Variants in STRIP1 observed in about 807,000 individuals in gnomAD.
STRIP1 encodes the protein striatin-interacting protein 1.
In STRIP1, 63 loss-of-function variants were observed where a neutral mutation model predicts 106.2. The observed-to-expected ratio is 0.59, with a 90% confidence interval of 0.48 to 0.73. The LOEUF (loss-of-function observed/expected upper bound fraction) is 0.73. Ranked by LOEUF, STRIP1 falls within the 30% of genes least tolerant of loss-of-function variation. The probability of loss-of-function intolerance (pLI) is 0.00; values close to 1 mark genes in which losing one functional copy is unlikely to be tolerated. For missense variants in STRIP1, 857 were observed against 1,074.8 expected (o/e 0.80, Z 2.83); for synonymous variants, 390 against 413.0 (o/e 0.94, Z 0.67).
At position 110,036,754 on chromosome 1, in the gene STRIP1, C is replaced by G. The variant is rs185241207; in HGVS notation, c.181-1137C>G. 2.8e-3 allele frequency among the ~76,000 whole-genome samples: 433 copies of G among 152,272 alleles called. 1 individual carries two copies. Among genetic ancestry groups the G allele is most frequent in the Non-Finnish European group, 3.8e-3 (258 of 68,018 alleles). ...GAATGAAGAAACCGAAGCTCAGTAA[C>G]TTGTGAAAGTGTACACTGTGTTATC... On this transcript the variant is annotated intron_variant, in intron 1 of 20. Coordinates refer to ENST00000369795, the MANE Select transcript of STRIP1 (RefSeq NM_033088.4).
intron 15 of STRIP1, among the ~76,000 whole-genome samples, chr1:110,048,670 C>T (rs1653147648): frequency 6.6e-6 from 1 of 152,232 alleles, no homozygotes; most frequent in Non-Finnish European, 1.5e-5. Flanking sequence ...CAAAGATGTA[C>T]AATGAGAAGT....
At chr1:110,034,617 TG>T, upstream of STRIP1, 1 of 1,500,298 alleles carries the variant, frequency 6.7e-7, no homozygotes, top group South Asian at 1.3e-5. Context: ...CGAGTTAAGC[TG>T]GGGGTGTGGA....
chr1:110,047,436 T>C, intron 13 of STRIP1, 106 bp from the exon 14 acceptor site: 1 of 804,868 alleles, frequency 1.2e-6, no homozygotes, highest in Non-Finnish European at 2.1e-6. Flanking sequence ...ATTAACATCA[T>C]TATGTACATC....
At chr1:110,046,957 G>A (rs1965990) in intron 13 of STRIP1, among the ~76,000 whole-genome samples, 46,046 of 151,914 alleles carry the variant, frequency 0.3, 8,408 homozygotes, top group Non-Finnish European at 0.42. Flanking sequence ...GGCTGAGGCA[G>A]AAGAATGACG....
Position 110,039,534 on chromosome 1 carries a change from C to A in STRIP1, c.581+19C>A. The stretch of plus-strand genomic sequence containing the variant: ...AAATAGAGTGAGCATTTTTGAGAGG[C>A]TGAGTAGGGAAGGGGAGGCTGGGAT... On this transcript the variant is annotated intron_variant, in intron 5 of 20. Transcript: ENST00000369795. 6.3e-7 allele frequency: 1 copy of A among 1,587,302 alleles called. No individual in the cohort carries two copies. Among genetic ancestry groups the A allele is most frequent in the Non-Finnish European group, 8.6e-7 (1 of 1,166,582 alleles).
rs979514645 is a variant in STRIP1, at chr1:110,039,079, C to T, written c.326-93C>T. 9 of 1,446,650 alleles carry T rather than the reference C, an allele frequency of 6.2e-6. No homozygotes were observed. The Admixed American group carries it at 1.4e-4, about 23-fold the overall frequency. The allele number at this position is 1,446,650 out of a possible 1,614,324, so 89.6% of individuals were successfully genotyped here. A position where few individuals can be genotyped will look rare whatever the true frequency, so the allele number is the denominator to read the frequency against. On this transcript the variant is annotated intron_variant, in intron 3 of 20. Transcript: ENST00000369795. ...TAGGGTGTAACTTATCTTTCTGGTC[C>T]TATGGCAGTCCTGAATTTGGTGAGT...
intron 3 of STRIP1, 141 bp downstream of exon 3, chr1:110,038,898 C>T: frequency 1.3e-6 from 1 of 790,890 alleles, no homozygotes; most frequent in Non-Finnish European, 2.0e-6. Context: ...AAGCCAGATA[C>T]ATGTAGAGTG....
rs569941569 is a variant in STRIP1, at chr1:110,039,045, C to A, written c.326-127C>A. On this transcript the variant is annotated intron_variant, in intron 3 of 20. Transcript: ENST00000369795. ...TTCATAGAGCAGCAGTATGATCTTA[C>A]CACTTACATAGGGTGTAACTTATCT... The A allele has an allele frequency of 1.6e-5, 17 of 1,072,386 alleles. No homozygotes were observed. The African/African-American group carries it at 1.7e-4, about 11-fold the overall frequency. 66.4% of individuals were successfully genotyped at this position (1,072,386 alleles called of 1,614,324 possible).
At position 110,040,644 on chromosome 1, in the gene STRIP1, C is replaced by T. The variant is rs772137513; in HGVS notation, c.591C>T (p.Ala197=). The T allele has an allele frequency of 6.8e-6, 11 of 1,611,636 alleles. No individual in the cohort carries two copies. The highest frequency in any genetic ancestry group is 1.6e-4 in the Middle Eastern group (1 of 6,072). Residue 197 remains alanine (A), a synonymous_variant, in exon 6 of 21, where the codon GCC becomes GCT. Coordinates refer to ENST00000369795, the MANE Select transcript of STRIP1 (RefSeq NM_033088.4). ...TCAAAATCTCCTGCAGCAACAGTGC[C>T]GCCTGCAGCAGTGCTGTGAGGAAGC... ...ELLNMEIDNS[A]ACSSAVRKPA... is the part of the protein sequence containing the mutation.
chr1:110,043,048 A>G, intron 8 of STRIP1, 40 bp from the exon 9 acceptor site: 1 of 1,567,806 alleles, frequency 6.4e-7, no homozygotes, highest in South Asian at 1.2e-5. Flanking sequence ...CAGCCTGTGG[A>G]CACATTGACC....
rs926340272 is a variant in STRIP1 at position 110,034,831 on chromosome 1, G to C, written c.180+14G>C. On this transcript the variant is annotated intron_variant, in intron 1 of 20. Coordinates refer to ENST00000369795, the MANE Select transcript of STRIP1 (RefSeq NM_033088.4). ...AAAGACTCAGAGGTCAGGAGCTTCG[G>C]GGGGCGAGGCTCGCACCGGGTCGGG... The C allele has an allele frequency of 1.9e-5, 26 of 1,378,006 alleles. No individual in the cohort carries two copies. Among genetic ancestry groups the C allele is most frequent in the Admixed American group, 7.9e-5 (2 of 25,358 alleles). 85.4% of individuals were successfully genotyped at this position (1,378,006 alleles called of 1,614,324 possible). A position where few individuals can be genotyped will look rare whatever the true frequency, so the allele number is the denominator to read the frequency against.
At chr1:110,039,890 C>T (rs1404246318) in intron 5 of STRIP1, 2 of 1,295,086 alleles carry the variant, frequency 1.5e-6, no homozygotes, top group South Asian at 1.2e-5. Context: ...GACATATGGG[C>T]TCAACCAGTG....
chr1:110,053,428 T>C (rs1460186166), intron 20 of STRIP1, among the ~76,000 whole-genome samples: 2 of 152,180 alleles, frequency 1.3e-5, no homozygotes, highest in African/African-American at 4.8e-5. Context: ...TACACATGGT[T>C]CTCCCTCTCT....
At position 110,049,156 on chromosome 1, in the gene STRIP1, G is replaced by T. The variant is rs1653170123; in HGVS notation, c.1706G>T (p.Arg569Leu). The T allele has an allele frequency of 6.2e-7, 1 of 1,614,094 alleles. No homozygotes were observed. The highest frequency in any genetic ancestry group is 8.5e-7 in the Non-Finnish European group (1 of 1,179,992). Residue 569 changes from arginine to leucine, a missense_variant, in exon 16 of 21, where the codon CGC becomes CTC. Physicochemically the swap from Arg to Leu is moderately radical, Grantham distance 102. Transcript: ENST00000369795. ...QSMKLGVDVN[R>L]HKEVIVKAIS... ...ATGAAGCTGGGGGTGGATGTAAACC[G>T]CCACAAAGAGGTCATTGTTAAGGCC...
rs778371354 is a variant in STRIP1, at chr1:110,039,513, A to C, written c.579A>C (p.Ile193=). 4 of 1,599,736 alleles carry C rather than the reference A, an allele frequency of 2.5e-6. 1 individual carries two copies. The South Asian group carries it at 4.5e-5, about 18-fold the overall frequency. ...TGGTGGAGCTTCTGAACATGGAAAT[A>C]GAGTGAGCATTTTTGAGAGGCTGAG... ...NALVELLNME[I]DNSAACSSAV... The change falls in exon 5 of 21, where the codon ATA becomes ATC. Residue 193 remains isoleucine, a splice_region_variant and synonymous_variant. Transcript: ENST00000369795.
In STRIP1 at chr1:110,051,379, G is replaced by A. The variant is rs566061642; in HGVS notation, c.2062-304G>A. ...CTGTGGATGCCTTTGGGGTGGGGAGGTCCTTGAATCCTCTGATAACTGTGT... is the reference window on the plus strand; with the variant it reads ...CTGTGGATGCCTTTGGGGTGGGGAGATCCTTGAATCCTCTGATAACTGTGT... On this transcript the variant is annotated intron_variant, in intron 19 of 20. Coordinates refer to ENST00000369795, the MANE Select transcript of STRIP1 (RefSeq NM_033088.4). 5.9e-5 allele frequency among the ~76,000 whole-genome samples: 9 copies of A among 152,296 alleles called. No homozygotes were observed. The South Asian group carries it at 1.7e-3, about 28-fold the overall frequency.
At chr1:110,040,326 T>G (rs764573805) in intron 5 of STRIP1, among the ~76,000 whole-genome samples, 3 of 152,166 alleles carry the variant, frequency 2.0e-5, no homozygotes, top group Non-Finnish European at 4.4e-5. Flanking sequence ...GGTTTACAGG[T>G]GCCTGCCACC....
chr1:110,039,447 C>T lies in STRIP1; in HGVS notation c.513C>T (p.Tyr171=), dbSNP rs1325420037. ...CAGAGGTGCAGTCCTGGATGCGCTA[C>T]AACATCTTTCTCCTCCTGGAGGTGG... ...SEAEVQSWMR[Y]NIFLLLEVGT... is the part of the protein sequence containing the mutation. The change falls in exon 5 of 21, where the codon TAC becomes TAT. Residue 171 remains tyrosine, a synonymous_variant. Transcript: ENST00000369795. 6.2e-7 allele frequency: 1 copy of T among 1,613,624 alleles called. No homozygotes were observed. Among genetic ancestry groups the T allele is most frequent in the East Asian group, 2.2e-5 (1 of 44,884 alleles).
upstream of STRIP1, chr1:110,034,507 A>G: frequency 8.9e-7 from 1 of 1,123,022 alleles, no homozygotes. Context: ...GGTATTGGTC[A>G]GCCAAGATGG....
Sources: gnomAD v4.1 joint callset for allele counts (sites outside exome capture counted in the v4.1 genomes callset) on GRCh38, gnomAD v4.1.1 for gene constraint, MANE v1.5 for transcripts, NCBI Gene and HGNC (gene_info 2026-07-23, HGNC 2026-07-21) for gene names.